Variants in KHDRBS3 observed in about 807,000 individuals in gnomAD.
KHDRBS3 encodes KH RNA binding domain containing, signal transduction associated 3, also known as KH domain-containing, RNA-binding, signal transduction-associated protein 3.
KHDRBS3 carries 23 observed loss-of-function variants against 45.6 expected under a neutral mutation model. The ratio of observed to expected loss-of-function variants is 0.50; its 90% CI spans 0.36 to 0.72. The LOEUF (loss-of-function observed/expected upper bound fraction) is 0.72. KHDRBS3 is among the 30% of genes least tolerant of loss of function. The pLI, the probability that KHDRBS3 is intolerant of heterozygous loss-of-function variation, is 0.00. For missense variants in KHDRBS3, 352 were observed against 424.8 expected, an observed-to-expected ratio of 0.83 and a Z score of 1.51; for synonymous variants, 162 against 156.5, an observed-to-expected ratio of 1.04 and a Z score of -0.26.
chr8:135,502,860 G>C (rs1352040078), intron 1 of KHDRBS3, among the ~76,000 whole-genome samples: 1 of 151,960 alleles, frequency 6.6e-6, no homozygotes, highest in Non-Finnish European at 1.5e-5. Context: ...TTGTTTTTTA[G>C]GTGTATTCTA....
At chr8:135,617,619 G>T (rs142139417) in intron 7 of KHDRBS3, among the ~76,000 whole-genome samples, 2 of 152,154 alleles carry the variant, frequency 1.3e-5, no homozygotes, top group Admixed American at 6.5e-5. Context: ...TGAGGAAATT[G>T]TGGCACAGAG....
chr8:135,570,342 A>G (rs906784775), intron 5 of KHDRBS3, among the ~76,000 whole-genome samples: 1 of 152,204 alleles, frequency 6.6e-6, no homozygotes, highest in Non-Finnish European at 1.5e-5. Context: ...TATAGATGCT[A>G]AAGATTATCT....
At chr8:135,606,244 G>A (rs1829456908) in intron 6 of KHDRBS3, among the ~76,000 whole-genome samples, 1 of 151,898 alleles carries the variant, frequency 6.6e-6, no homozygotes, top group Non-Finnish European at 1.5e-5. Context: ...ATGGCACTGT[G>A]CATGGTCCCG....
intron 1 of KHDRBS3, among the ~76,000 whole-genome samples, chr8:135,494,393 C>T (rs997674108): frequency 2.7e-5 from 4 of 150,882 alleles, no homozygotes; most frequent in African/African-American, 9.8e-5. Flanking sequence ...ATTCTCCTGC[C>T]TCAGCCTCCT....
intron 1 of KHDRBS3, among the ~76,000 whole-genome samples, chr8:135,489,348 G>A (rs191065251): frequency 4.7e-4 from 71 of 152,230 alleles, no homozygotes; most frequent in Non-Finnish European, 9.8e-4. Context: ...CTTAATATGT[G>A]TGTATTTGTA....
At chr8:135,588,788 T>C (rs1377530003) in intron 6 of KHDRBS3, among the ~76,000 whole-genome samples, 2 of 152,208 alleles carry the variant, frequency 1.3e-5, no homozygotes, top group African/African-American at 4.8e-5. Flanking sequence ...TATCATAGTA[T>C]CAAAACTACC....
intron 1 of KHDRBS3, among the ~76,000 whole-genome samples, chr8:135,461,111 A>AT (rs1367505789): frequency 1.3e-5 from 2 of 151,940 alleles, no homozygotes; most frequent in East Asian, 3.9e-4. Flanking sequence ...TTATTTATTT[A>AT]TTTTTTTGAG....
chr8:135,485,393 A>G (rs1367356870), intron 1 of KHDRBS3, among the ~76,000 whole-genome samples: 1 of 152,178 alleles, frequency 6.6e-6, no homozygotes, highest in Non-Finnish European at 1.5e-5. Context: ...TTTGCCAGGT[A>G]TCTACACGGT....
rs565095903 is a variant in KHDRBS3, at chr8:135,529,620, T to A, written c.207+8265T>A. ...GATATTGTTTGGGGGCATATTATTA[T>A]CATTGGTGTTATTTTCCTGAGCCAA... On this transcript the variant is annotated intron_variant, in intron 2 of 8. Transcript: ENST00000355849. Among the ~76,000 whole-genome samples, 3 of 152,322 alleles carry A rather than the reference T, an allele frequency of 2.0e-5. No individual in the cohort carries two copies. In the South Asian group the frequency reaches 6.2e-4, roughly 32 times the overall value.
chr8:135,618,641 G>C (rs1217244251), intron 7 of KHDRBS3, among the ~76,000 whole-genome samples: 1 of 152,102 alleles, frequency 6.6e-6, no homozygotes, highest in Non-Finnish European at 1.5e-5. Context: ...TGTGTACCCA[G>C]TGTTTTGACA....
At chr8:135,589,558 C>G in intron 6 of KHDRBS3, among the ~76,000 whole-genome samples, 1 of 152,194 alleles carries the variant, frequency 6.6e-6, no homozygotes, top group Non-Finnish European at 1.5e-5. Flanking sequence ...CTTATTTTGT[C>G]CATGCCAACT....
intron 6 of KHDRBS3, among the ~76,000 whole-genome samples, chr8:135,598,497 G>A (rs539574280): frequency 6.6e-5 from 10 of 152,302 alleles, no homozygotes; most frequent in African/African-American, 2.2e-4. Context: ...AAAGACTGAT[G>A]CAAGGAAGTT....
At chr8:135,562,740 AT>A (rs911210811) in intron 5 of KHDRBS3, among the ~76,000 whole-genome samples, 3 of 152,228 alleles carry the variant, frequency 2.0e-5, no homozygotes, top group Middle Eastern at 3.2e-3. Flanking sequence ...TCTTGAAATT[AT>A]ACTTTGAGTT....
At chr8:135,487,457 G>A (rs1822919979) in intron 1 of KHDRBS3, among the ~76,000 whole-genome samples, 1 of 152,038 alleles carries the variant, frequency 6.6e-6, no homozygotes, top group Admixed American at 6.6e-5. Context: ...GGAGAGGAGG[G>A]GAATAAAGAT....
intron 6 of KHDRBS3, among the ~76,000 whole-genome samples, chr8:135,584,451 AG>A (rs1828366976): frequency 6.6e-6 from 1 of 152,214 alleles, no homozygotes; most frequent in Non-Finnish European, 1.5e-5. Context: ...ATCATCATGA[AG>A]GGTTCAGATT....
rs1831326598 is a variant in KHDRBS3, at chr8:135,647,178, AATCAG to A, written c.*96_*100del. 4.0e-6 allele frequency: 2 copies of A among 503,578 alleles called. No individual in the cohort carries two copies. Among genetic ancestry groups the A allele is most frequent in the Non-Finnish European group, 7.1e-6 (2 of 281,068 alleles). 31.2% of individuals were successfully genotyped at this position (503,578 alleles called of 1,614,324 possible). A position where few individuals can be genotyped will look rare whatever the true frequency, so the allele number is the denominator to read the frequency against. Reference sequence around the variant, plus strand: ...TCTATGAACAATCCCTTTTTAAATAAATCAGAATGCTTAAAATCTGAATGGATGGA... The same window carrying A: ...TCTATGAACAATCCCTTTTTAAATAAAATGCTTAAAATCTGAATGGATGGA... On this transcript the variant is annotated 3_prime_UTR_variant, in exon 9 of 9. Transcript: ENST00000355849.
At chr8:135,653,988 C>T (rs1831480977) in intron 4 of KHDRBS3, among the ~76,000 whole-genome samples, 1 of 152,142 alleles carries the variant, frequency 6.6e-6, no homozygotes, top group Non-Finnish European at 1.5e-5. Flanking sequence ...TAATTCCCAC[C>T]TTTACCCCCA....
chr8:135,541,473 T>A (rs1258626270), intron 2 of KHDRBS3: 1 of 152,238 alleles, frequency 6.6e-6, no homozygotes, highest in East Asian at 1.9e-4. Flanking sequence ...TATATTTGAG[T>A]TTTGGTTGAA....
At chr8:135,595,876 G>A (rs1041190605) in intron 6 of KHDRBS3, among the ~76,000 whole-genome samples, 3 of 152,120 alleles carry the variant, frequency 2.0e-5, no homozygotes, top group Admixed American at 2.0e-4. Flanking sequence ...CATTTCTATT[G>A]GAAGACATGG....
Sources: allele counts gnomAD v4.1 joint callset (sites outside exome capture counted in the v4.1 genomes callset), GRCh38; gene constraint gnomAD v4.1.1; transcripts MANE v1.5; gene names NCBI Gene and HGNC (gene_info 2026-07-23, HGNC 2026-07-21).